The following NR2F6 variants were observed in gnomAD, a reference collection of about 807,000 sequenced individuals.
The protein encoded by NR2F6 is nuclear receptor subfamily 2 group F member 6, also known as ERBA-related gene-2.
Under a neutral mutation model 26.5 loss-of-function variants are expected in NR2F6, and 16 were observed. The observed-to-expected ratio is 0.60, with a 90% CI of 0.41 to 0.92. The LOEUF (loss-of-function observed/expected upper bound fraction) is 0.92. Ranked by LOEUF, NR2F6 falls within the 40% of genes least tolerant of loss-of-function variation. The probability of loss-of-function intolerance (pLI) is 0.00; values close to 1 mark genes in which losing one functional copy is unlikely to be tolerated. For missense variants in NR2F6, 536 were observed against 631.7 expected (o/e 0.85, Z 1.62); for synonymous variants, 325 against 305.0 (o/e 1.07, Z -0.68).
intron 3 of NR2F6, among the ~76,000 whole-genome samples, chr19:17,233,875 C>T (rs559211677): frequency 5.3e-5 from 8 of 152,068 alleles, no homozygotes; most frequent in Admixed American, 5.2e-4. Context: ...GAAGGGCCTA[C>T]GGTGTGAGAG....
In NR2F6 at chr19:17,235,009, G is replaced by A. The variant is rs1287907691; in HGVS notation, c.940+490C>T. ...CCGCCCCTCAACGGGAGGGGCCTCCGAGCCACGCCCCTACCCAGATCCCTA... is the reference window on the plus strand; with the variant it reads ...CCGCCCCTCAACGGGAGGGGCCTCCAAGCCACGCCCCTACCCAGATCCCTA... On this transcript the variant is annotated intron_variant, in intron 3 of 3. Transcript: ENST00000291442. The surrounding 1 kb of genome is among the most constrained non-coding windows in gnomAD (Gnocchi z 5.0). 6.6e-6 allele frequency among the ~76,000 whole-genome samples: 1 copy of A among 152,240 alleles called. No homozygotes were observed.
At position 17,236,229 on chromosome 19, in the gene NR2F6, G is replaced by A. The variant is rs1286155240; in HGVS notation, c.374-164C>T. On this transcript the variant is annotated intron_variant, in intron 2 of 3. Transcript: ENST00000291442. ...TGGAGAGACAGGAAGGGAAGCGAGG[G>A]GTAGAGAGGAGAGGGCCGGAAGAGG... Among the ~76,000 whole-genome samples, 3 of 129,378 alleles carry A rather than the reference G, an allele frequency of 2.3e-5. 1 individual carries two copies. The highest frequency in any genetic ancestry group is 4.9e-5 in the Non-Finnish European group (3 of 61,160). 84.9% of individuals were successfully genotyped at this position (129,378 alleles called of 152,430 possible).
chr19:17,244,960 G>T lies in NR2F6; in HGVS notation c.261C>A (p.Asn87Lys). The T allele has an allele frequency of 2.6e-6, 4 of 1,564,910 alleles. No homozygotes were observed. The highest frequency in any genetic ancestry group is 3.5e-6 in the Non-Finnish European group (4 of 1,155,320). The change falls in exon 1 of 4, where the codon AAC (asparagine) becomes AAA (lysine). Residue 87 changes from asparagine (N) to lysine (K), a missense_variant. Transcript: ENST00000291442. ...GGGCTCACCGGCAGGTGTAGCTGAG[G>T]TTGCGGCGGATGCTTCGCTTGAAAA... ...KSFFKRSIRRNLSYTCRSNRD... is the reference protein window; with the variant it reads ...KSFFKRSIRRKLSYTCRSNRD...
At chr19:17,244,798 G>A in intron 1 of NR2F6, 145 bp downstream of exon 1, 1 of 901,518 alleles carries the variant, frequency 1.1e-6, no homozygotes. Context: ...TGGAATGCGG[G>A]AGGAGGGTGC....
intron 1 of NR2F6, among the ~76,000 whole-genome samples, chr19:17,241,931 G>A (rs1033821381): frequency 2.0e-5 from 3 of 151,658 alleles, no homozygotes; most frequent in South Asian, 2.1e-4. Flanking sequence ...AAGGAGAATC[G>A]CTTGAACTGG....
intron 3 of NR2F6, 109 bp from the exon 4 acceptor site, chr19:17,232,735 G>A (rs957426038): frequency 1.5e-5 from 19 of 1,310,174 alleles, no homozygotes; most frequent in East Asian, 2.5e-5. Context: ...ACAGGGGGCC[G>A]GGCATGATGG....
chr19:17,235,405 G>A lies in NR2F6; in HGVS notation c.940+94C>T. On this transcript the variant is annotated intron_variant, in intron 3 of 3. Coordinates refer to ENST00000291442, the MANE Select transcript of NR2F6 (RefSeq NM_005234.4). This position sits in a 1 kb window ranked among gnomAD's most constrained non-coding sequence, Gnocchi z 5.0. ...GCCCCAGGCCTAGGGAGCGAGCGGG[G>A]CGCTATGGGGGCCGGAGTCTGGGTC... 2 of 1,501,914 alleles carry A rather than the reference G, an allele frequency of 1.3e-6. No homozygotes were observed. Among genetic ancestry groups the A allele is most frequent in the African/African-American group, 1.4e-5 (1 of 70,648 alleles). 93.0% of individuals were successfully genotyped at this position (1,501,914 alleles called of 1,614,324 possible). A position where few individuals can be genotyped will look rare whatever the true frequency, so the allele number is the denominator to read the frequency against.
At chr19:17,236,975 G>A (rs1356172036) in intron 2 of NR2F6, among the ~76,000 whole-genome samples, 2 of 152,252 alleles carry the variant, frequency 1.3e-5, no homozygotes, top group African/African-American at 2.4e-5. Flanking sequence ...GCTTGTGCCG[G>A]GGTGGGCGGG....
At chr19:17,234,830 G>T (rs1568316251) in intron 3 of NR2F6, among the ~76,000 whole-genome samples, 1 of 152,176 alleles carries the variant, frequency 6.6e-6, no homozygotes, top group Non-Finnish European at 1.5e-5. Flanking sequence ...CTGCACTCCA[G>T]CCTGGGTGAC....
At chr19:17,240,583 G>T in intron 2 of NR2F6, 88 bp downstream of exon 2, 1 of 1,227,734 alleles carries the variant, frequency 8.1e-7, no homozygotes, top group Non-Finnish European at 1.2e-6. Flanking sequence ...GGGTGAAAGG[G>T]AGGGGAAAAA....
In NR2F6 at chr19:17,235,399, AGCGGGGC is replaced by A; in HGVS notation, c.940+93_940+99del. ...TGCAGGGCCCCAGGCCTAGGGAGCG[AGCGGGGC>A]GCTATGGGGGCCGGAGTCTGGGTCC... On this transcript the variant is annotated intron_variant, in intron 3 of 3. Transcript: ENST00000291442. The surrounding 1 kb of genome is among the most constrained non-coding windows in gnomAD (Gnocchi z 5.0). The A allele has an allele frequency of 6.7e-7, 1 of 1,498,118 alleles. No individual in the cohort carries two copies. The highest frequency in any genetic ancestry group is 2.1e-5 in the Admixed American group (1 of 47,762). 92.8% of individuals were successfully genotyped at this position (1,498,118 alleles called of 1,614,324 possible).
chr19:17,235,685 G>A lies in NR2F6; in HGVS notation c.754C>T (p.Leu252=). Residue 252 remains leucine (L), a synonymous_variant, in exon 3 of 4, where the codon CTG becomes TTG. Coordinates refer to ENST00000291442, the MANE Select transcript of NR2F6 (RefSeq NM_005234.4). The surrounding 1 kb of genome is among the most constrained non-coding windows in gnomAD (Gnocchi z 5.0). ...AGTAGCGGCGCCGTGTGCAGGGGCA[G>A]CGCCGCCTGCGCCGCGTTCAGCACG... ...LFVLNAAQAA[L]PLHTAPLLAA... The A allele has an allele frequency of 6.7e-7, 1 of 1,490,760 alleles. No homozygotes were observed. The highest frequency in any genetic ancestry group is 8.8e-7 in the Non-Finnish European group (1 of 1,130,696). The allele number at this position is 1,490,760 out of a possible 1,614,324, so 92.3% of individuals were successfully genotyped here. A position where few individuals can be genotyped will look rare whatever the true frequency, so the allele number is the denominator to read the frequency against.
intron 1 of NR2F6, among the ~76,000 whole-genome samples, chr19:17,241,160 G>A (rs540226989): frequency 3.6e-4 from 55 of 152,190 alleles, no homozygotes; most frequent in Non-Finnish European, 6.6e-4. Flanking sequence ...CTGTCAGGCT[G>A]AGCAGGGTCA....
chr19:17,243,680 T>C (rs902141844), intron 1 of NR2F6, among the ~76,000 whole-genome samples: 1 of 152,238 alleles, frequency 6.6e-6, no homozygotes, highest in South Asian at 2.1e-4. Flanking sequence ...AGGCCAGCCC[T>C]GACCCGGGAC....
intron 2 of NR2F6, among the ~76,000 whole-genome samples, chr19:17,239,677 G>T (rs2073458812): frequency 1.3e-5 from 2 of 152,046 alleles, no homozygotes; most frequent in Middle Eastern, 3.4e-3. Flanking sequence ...AAATTAGCTG[G>T]GCGTGTTGGC....
At chr19:17,244,814 C>G (rs2073488093) in intron 1 of NR2F6, 129 bp downstream of exon 1, 1 of 1,098,828 alleles carries the variant, frequency 9.1e-7, no homozygotes. Flanking sequence ...GGTGCTGTGC[C>G]CCTATCTCAG....
chr19:17,244,708 G>C (rs899366492), intron 1 of NR2F6, among the ~76,000 whole-genome samples: 1 of 152,324 alleles, frequency 6.6e-6, no homozygotes, highest in African/African-American at 2.4e-5. Context: ...CAAGTAACTG[G>C]GGCAAAAGCC....
chr19:17,234,060 T>C (rs2073422456), intron 3 of NR2F6, among the ~76,000 whole-genome samples: 1 of 151,608 alleles, frequency 6.6e-6, no homozygotes, highest in Non-Finnish European at 1.5e-5. Context: ...CCGTCTCTAC[T>C]AAAAACACAA....
chr19:17,237,389 T>A (rs939082191), intron 2 of NR2F6, among the ~76,000 whole-genome samples: 1 of 150,516 alleles, frequency 6.6e-6, no homozygotes, highest in Non-Finnish European at 1.5e-5. Flanking sequence ...TTCCTTTCCT[T>A]TCTTCCTCTC....
Sources: gnomAD v4.1 joint callset for allele counts (sites outside exome capture counted in the v4.1 genomes callset) on GRCh38, gnomAD v4.1.1 for gene constraint, Gnocchi (gnomAD v3.1) non-coding constraint, MANE v1.5 for transcripts, NCBI Gene and HGNC (gene_info 2026-07-23, HGNC 2026-07-21) for gene names.